Variants in KCNIP4 observed in about 807,000 individuals in gnomAD.
KCNIP4 encodes the protein Kv channel-interacting protein 4.
In KCNIP4, 12 loss-of-function variants were observed where a neutral mutation model predicts 34.0. The ratio of observed to expected loss-of-function variants is 0.35; its 90% CI spans 0.23 to 0.57. KCNIP4 has a LOEUF of 0.57. Ranked by LOEUF, KCNIP4 falls within the 20% of genes least tolerant of loss-of-function variation. The pLI, the probability that KCNIP4 is intolerant of heterozygous loss-of-function variation, is 0.83. For missense variants in KCNIP4, 238 were observed against 311.7 expected, an observed-to-expected ratio of 0.76 and a Z score of 1.78; for synonymous variants, 124 against 102.2, an observed-to-expected ratio of 1.21 and a Z score of -1.29.
intron 1 of KCNIP4, among the ~76,000 whole-genome samples, chr4:20,902,090 A>G (rs1442041823): frequency 6.6e-6 from 1 of 152,204 alleles, no homozygotes; most frequent in Non-Finnish European, 1.5e-5. Context: ...TTTTCACCAC[A>G]GAGATTACTC....
chr4:21,542,062 T>C (rs1737747289), intron 1 of KCNIP4, among the ~76,000 whole-genome samples: 1 of 152,218 alleles, frequency 6.6e-6, no homozygotes, highest in South Asian at 2.1e-4. Flanking sequence ...TGAAGGCAAC[T>C]GTGGACATTT....
At chr4:21,551,665 A>G (rs1738594935) in intron 1 of KCNIP4, among the ~76,000 whole-genome samples, 1 of 148,988 alleles carries the variant, frequency 6.7e-6, no homozygotes, top group Non-Finnish European at 1.5e-5. Flanking sequence ...TGGAGAGGGC[A>G]CATTATAATT....
chr4:21,090,565 C>A (rs1746907343), intron 1 of KCNIP4, among the ~76,000 whole-genome samples: 1 of 152,088 alleles, frequency 6.6e-6, no homozygotes, highest in South Asian at 2.1e-4. Flanking sequence ...GAAAAATAGG[C>A]CCTTCCATCT....
intron 1 of KCNIP4, among the ~76,000 whole-genome samples, chr4:20,932,465 CTATAATAG>C (rs1730580154): frequency 6.2e-5 from 8 of 128,030 alleles, no homozygotes; most frequent in Non-Finnish European, 4.9e-5. Flanking sequence ...ATATTGTAGA[CTATAATAG>C]TCTATAATAG....
At chr4:21,574,877 C>T (rs1740631225) in intron 1 of KCNIP4, among the ~76,000 whole-genome samples, 1 of 152,152 alleles carries the variant, frequency 6.6e-6, no homozygotes, top group African/African-American at 2.4e-5. Flanking sequence ...TTTTGAGAAT[C>T]TGAGAACTAT....
At chr4:20,804,686 C>T (rs1416396602) in intron 3 of KCNIP4, among the ~76,000 whole-genome samples, 1 of 152,102 alleles carries the variant, frequency 6.6e-6, no homozygotes, top group Non-Finnish European at 1.5e-5. Flanking sequence ...TTAATCAGTA[C>T]ATACTAGGTT....
chr4:21,945,915 C>T (rs1041089806), intron 1 of KCNIP4, among the ~76,000 whole-genome samples: 10 of 150,836 alleles, frequency 6.6e-5, no homozygotes, highest in Non-Finnish European at 1.3e-4. Context: ...ACCTTCTCTA[C>T]TTGTATGTAC....
intron 1 of KCNIP4, among the ~76,000 whole-genome samples, chr4:21,340,516 A>G (rs1486163454): frequency 1.3e-5 from 2 of 152,134 alleles, no homozygotes; most frequent in African/African-American, 2.4e-5. Context: ...GGATCTCATA[A>G]ACAGCAGTTA....
intron 1 of KCNIP4, among the ~76,000 whole-genome samples, chr4:21,388,424 T>C (rs899705237): frequency 1.3e-5 from 2 of 152,074 alleles, no homozygotes; most frequent in African/African-American, 2.4e-5. Context: ...AGATAATTTA[T>C]GTCTATCACT....
intron 1 of KCNIP4, among the ~76,000 whole-genome samples, chr4:21,223,124 T>C (rs1386421851): frequency 6.6e-6 from 1 of 152,152 alleles, no homozygotes; most frequent in Non-Finnish European, 1.5e-5. Flanking sequence ...TCTTAGGATA[T>C]CTGATGGGTC....
At chr4:20,983,060 A>G (rs1736238437) in intron 1 of KCNIP4, among the ~76,000 whole-genome samples, 1 of 152,222 alleles carries the variant, frequency 6.6e-6, no homozygotes, top group Non-Finnish European at 1.5e-5. Context: ...TGTGTGTTTG[A>G]TACATACATA....
intron 1 of KCNIP4, among the ~76,000 whole-genome samples, chr4:20,946,675 T>C (rs1732223393): frequency 6.6e-6 from 1 of 152,188 alleles, no homozygotes; most frequent in Non-Finnish European, 1.5e-5. Context: ...TCCCTTCAGG[T>C]TTTTATCAAA....
chr4:21,678,958 A>T lies in KCNIP4; in HGVS notation c.61+269613T>A, dbSNP rs150055089. On this transcript the variant is annotated intron_variant, in intron 1 of 8. Coordinates refer to ENST00000382152, the MANE Select transcript of KCNIP4 (RefSeq NM_025221.6). The stretch of plus-strand genomic sequence containing the variant: ...CTAATCCAATCTGACCAATTTCCTT[A>T]TAAGAAGAGAAAATTTAGGCACACA... Among the ~76,000 whole-genome samples, 11 of 152,248 alleles carry T rather than the reference A, an allele frequency of 7.2e-5. No homozygotes were observed. In the East Asian group the frequency reaches 2.1e-3, roughly 30 times the overall value.
chr4:21,845,782 T>G (rs1048654938), intron 1 of KCNIP4: 1 of 152,066 alleles, frequency 6.6e-6, no homozygotes, highest in Admixed American at 6.6e-5. Flanking sequence ...AGTACAGTGT[T>G]TTTTGTCTTC....
chr4:21,093,696 G>C (rs530023131), intron 1 of KCNIP4, among the ~76,000 whole-genome samples: 4 of 152,146 alleles, frequency 2.6e-5, no homozygotes, highest in African/African-American at 7.2e-5. Context: ...CTTCTTTTTA[G>C]TAAAAAATAA....
At chr4:21,589,157 T>TGTATAC (rs1491387155) in intron 1 of KCNIP4, among the ~76,000 whole-genome samples, 1 of 38,622 alleles carries the variant, frequency 2.6e-5, no homozygotes, top group Non-Finnish European at 5.5e-5. Flanking sequence ...TGGAGGTGTG[T>TGTATAC]ATATATATAT....
intron 1 of KCNIP4, among the ~76,000 whole-genome samples, chr4:21,572,411 G>C (rs1261232913): frequency 6.6e-6 from 1 of 152,086 alleles, no homozygotes; most frequent in East Asian, 1.9e-4. Context: ...ACAAACCCAG[G>C]ATGTGTCCTT....
At chr4:21,790,387 T>C (rs1560716349) in intron 1 of KCNIP4, among the ~76,000 whole-genome samples, 1 of 152,170 alleles carries the variant, frequency 6.6e-6, no homozygotes, top group South Asian at 2.1e-4. Flanking sequence ...TCATTGTATC[T>C]TGTGTTTAGA....
chr4:20,818,752 T>C (rs1190312438), intron 3 of KCNIP4, among the ~76,000 whole-genome samples: 1 of 152,052 alleles, frequency 6.6e-6, no homozygotes, highest in Non-Finnish European at 1.5e-5. Flanking sequence ...TAAAAGATTG[T>C]AGGCCTTATT....
Sources: allele counts gnomAD v4.1 joint callset (sites outside exome capture counted in the v4.1 genomes callset), GRCh38; gene constraint gnomAD v4.1.1; transcripts MANE v1.5; gene names NCBI Gene and HGNC (gene_info 2026-07-23, HGNC 2026-07-21).